SCLT1: variants seen among roughly 807,000 people sequenced by gnomAD.
The protein encoded by SCLT1 is sodium channel-associated protein 1.
SCLT1 carries 78 observed loss-of-function variants against 112.8 expected under a neutral mutation model. The observed-to-expected ratio is 0.69, with a 90% confidence interval of 0.58 to 0.83. The LOEUF (loss-of-function observed/expected upper bound fraction) is 0.83, where lower values mean the gene tolerates loss of function less well. Among genes scored for constraint, SCLT1 ranks in the 40% least tolerant of loss-of-function variants. The probability of loss-of-function intolerance (pLI) is 0.00; values close to 1 mark genes in which losing one functional copy is unlikely to be tolerated. For missense variants in SCLT1, 747 were observed against 770.4 expected (o/e 0.97, Z 0.36); for synonymous variants, 257 against 254.7 (o/e 1.01, Z -0.09).
intron 9 of SCLT1, among the ~76,000 whole-genome samples, chr4:128,972,876 C>T (rs997598727): frequency 9.2e-5 from 14 of 152,056 alleles, no homozygotes; most frequent in Admixed American, 2.0e-4. Flanking sequence ...TTCCTGGATT[C>T]CACACTTTTT....
At chr4:128,976,220 T>C (rs1376303977) in intron 9 of SCLT1, among the ~76,000 whole-genome samples, 2 of 152,326 alleles carry the variant, frequency 1.3e-5, no homozygotes, top group East Asian at 1.9e-4. Flanking sequence ...ATCTGAGACT[T>C]ACTCATTCAG....
chr4:128,894,309 C>T (rs1381389130), intron 18 of SCLT1, among the ~76,000 whole-genome samples: 1 of 151,468 alleles, frequency 6.6e-6, no homozygotes, highest in Non-Finnish European at 1.5e-5. Context: ...TGCTCTTAAC[C>T]ACTGCCCTAT....
chr4:129,035,073 T>C (rs1747065165), intron 5 of SCLT1, among the ~76,000 whole-genome samples: 1 of 152,188 alleles, frequency 6.6e-6, no homozygotes, highest in Non-Finnish European at 1.5e-5. Flanking sequence ...CACTCAACGG[T>C]TGTGAATGAC....
chr4:128,942,400 G>A (rs1737773913), intron 17 of SCLT1, among the ~76,000 whole-genome samples: 1 of 152,082 alleles, frequency 6.6e-6, no homozygotes, highest in Non-Finnish European at 1.5e-5. Context: ...ATGACATGGG[G>A]AAAGGTAAGC....
chr4:128,954,779 T>C (rs963872034), intron 13 of SCLT1, among the ~76,000 whole-genome samples: 1 of 152,198 alleles, frequency 6.6e-6, no homozygotes, highest in Non-Finnish European at 1.5e-5. Context: ...ATCTCATTAA[T>C]TCTCACAAAA....
At chr4:129,036,075 A>G (rs1284335350) in intron 5 of SCLT1, among the ~76,000 whole-genome samples, 1 of 152,058 alleles carries the variant, frequency 6.6e-6, no homozygotes, top group African/African-American at 2.4e-5. Context: ...AAAATAATAC[A>G]TTCTTTTGAT....
intron 2 of SCLT1, among the ~76,000 whole-genome samples, chr4:129,080,075 C>A (rs1306372849): frequency 6.6e-6 from 1 of 152,216 alleles, no homozygotes; most frequent in Admixed American, 6.5e-5. Context: ...GGCCCTGGGC[C>A]TGCCCCCACA....
intron 18 of SCLT1, among the ~76,000 whole-genome samples, chr4:128,928,372 C>T (rs1736470322): frequency 6.6e-6 from 1 of 152,014 alleles, no homozygotes; most frequent in Admixed American, 6.6e-5. Flanking sequence ...AAAATTCTAA[C>T]AAATCAAATC....
intron 2 of SCLT1, among the ~76,000 whole-genome samples, chr4:129,071,675 A>C (rs1393242427): frequency 2.0e-5 from 3 of 151,860 alleles, no homozygotes; most frequent in Non-Finnish European, 4.4e-5. Flanking sequence ...CTTCACTTTA[A>C]GTTTATGTGA....
intron 2 of SCLT1, among the ~76,000 whole-genome samples, chr4:129,047,935 T>A (rs1262021781): frequency 6.6e-6 from 1 of 152,148 alleles, no homozygotes. Context: ...TTTGCCAGAT[T>A]CCTCTTCATT....
At chr4:128,911,743 G>C (rs996899399) in intron 18 of SCLT1, among the ~76,000 whole-genome samples, 2 of 152,274 alleles carry the variant, frequency 1.3e-5, no homozygotes, top group South Asian at 2.1e-4. Context: ...AGTCAAGGGA[G>C]GACTACGTAT....
At chr4:128,936,948 T>C (rs1314825009) in intron 17 of SCLT1, 97 bp from the exon 18 acceptor site, 1 of 532,930 alleles carries the variant, frequency 1.9e-6, no homozygotes, top group Non-Finnish European at 3.0e-6. Context: ...TTATGTTGTC[T>C]GAGGGACAAA....
chr4:128,988,144 T>C (rs1474819232), intron 9 of SCLT1, among the ~76,000 whole-genome samples: 1 of 152,170 alleles, frequency 6.6e-6, no homozygotes, highest in African/African-American at 2.4e-5. Flanking sequence ...TCACTGGCAA[T>C]AGTAAGTACA....
At chr4:128,977,904 A>T (rs927542207) in intron 9 of SCLT1, among the ~76,000 whole-genome samples, 1 of 152,094 alleles carries the variant, frequency 6.6e-6, no homozygotes, top group Non-Finnish European at 1.5e-5. Flanking sequence ...ATTGCGATGG[A>T]ATAAGAGTGA....
intron 5 of SCLT1, among the ~76,000 whole-genome samples, chr4:129,035,494 G>T (rs921844487): frequency 4.6e-5 from 7 of 151,974 alleles, no homozygotes; most frequent in African/African-American, 1.7e-4. Flanking sequence ...TCTTCCCTGA[G>T]CACATTGCCA....
intron 10 of SCLT1, among the ~76,000 whole-genome samples, chr4:128,969,715 A>G (rs1740520888): frequency 6.6e-6 from 1 of 152,150 alleles, no homozygotes. Context: ...CAGACATCCA[A>G]AATTTAACAA....
At chr4:129,005,772 T>C (rs1403012138) in intron 5 of SCLT1, among the ~76,000 whole-genome samples, 1 of 149,742 alleles carries the variant, frequency 6.7e-6, no homozygotes, top group Non-Finnish European at 1.5e-5. Context: ...AACCCAAATG[T>C]CCAACAATGA....
intron 5 of SCLT1, chr4:128,873,273 GAAAA>G (rs1553953485): frequency 2.5e-5 from 2 of 78,660 alleles, no homozygotes; most frequent in Non-Finnish European, 5.4e-5. Context: ...AAAAAAAAAA[GAAAA>G]AAAGAAAAAA....
At chr4:128,993,588 T>C (rs1742758773) in intron 8 of SCLT1, among the ~76,000 whole-genome samples, 1 of 152,066 alleles carries the variant, frequency 6.6e-6, no homozygotes, top group Non-Finnish European at 1.5e-5. Context: ...TATGGCATTG[T>C]TGTTCTATAT....
Sources: gnomAD v4.1 joint callset for allele counts (sites outside exome capture counted in the v4.1 genomes callset) on GRCh38, gnomAD v4.1.1 for gene constraint, MANE v1.5 for transcripts, NCBI Gene and HGNC (gene_info 2026-07-23, HGNC 2026-07-21) for gene names.